Variants in PODXL observed in about 807,000 individuals in gnomAD.
PODXL encodes podocalyxin like.
A neutral mutation model predicts 48.9 loss-of-function variants in PODXL; 20 were observed. The observed-to-expected ratio is 0.41, with a 90% CI of 0.29 to 0.59. The LOEUF (loss-of-function observed/expected upper bound fraction) is 0.59. PODXL is among the 20% of genes least tolerant of loss of function. The probability of loss-of-function intolerance (pLI) is 0.31; values close to 1 mark genes in which losing one functional copy is unlikely to be tolerated. For synonymous variants in PODXL, 295 were observed against 287.4 expected, an observed-to-expected ratio of 1.03 and a Z score of -0.27; for missense variants, 606 against 675.1, an observed-to-expected ratio of 0.90 and a Z score of 1.13.
At chr7:131,541,383 G>C (rs1205735238) in intron 1 of PODXL, among the ~76,000 whole-genome samples, 3 of 151,972 alleles carry the variant, frequency 2.0e-5, no homozygotes, top group African/African-American at 7.2e-5. Flanking sequence ...GGGTGGGAAG[G>C]TGTTGCTTAA....
At chr7:131,505,061 T>C (rs367559306) in intron 8 of PODXL, among the ~76,000 whole-genome samples, 1 of 151,942 alleles carries the variant, frequency 6.6e-6, no homozygotes, top group Non-Finnish European at 1.5e-5. Flanking sequence ...GACTCAGAGA[T>C]TGTTTGAATT....
chr7:131,517,572 C>A (rs1384780255), intron 1 of PODXL, among the ~76,000 whole-genome samples: 5 of 152,114 alleles, frequency 3.3e-5, no homozygotes, highest in African/African-American at 1.2e-4. Context: ...TAAATATATT[C>A]TCTCGTGGTT....
intron 1 of PODXL, among the ~76,000 whole-genome samples, chr7:131,521,734 G>A (rs1798094862): frequency 6.6e-6 from 1 of 152,206 alleles, no homozygotes. Flanking sequence ...CCACAACACA[G>A]GGCAGTTTAC....
At chr7:131,507,751 G>A (rs953807786) in intron 5 of PODXL, among the ~76,000 whole-genome samples, 3 of 152,100 alleles carry the variant, frequency 2.0e-5, no homozygotes, top group African/African-American at 7.2e-5. Context: ...GGGCTGGGCG[G>A]GCACCTGACT....
intron 1 of PODXL, among the ~76,000 whole-genome samples, chr7:131,528,415 A>T (rs1798221292): frequency 1.3e-5 from 2 of 152,228 alleles, no homozygotes; most frequent in South Asian, 4.1e-4. Flanking sequence ...AACCTCTTAG[A>T]AAAGAGGTTC....
chr7:131,519,570 C>A (rs1798061328), intron 1 of PODXL, among the ~76,000 whole-genome samples: 1 of 148,454 alleles, frequency 6.7e-6, no homozygotes, highest in African/African-American at 2.5e-5. Context: ...AATAAAGTGC[C>A]AAAAAGTCTT....
At position 131,524,374 on chromosome 7, in the gene PODXL, A is replaced by ACG. The variant is rs1562909703; in HGVS notation, c.101-12942_101-12941insCG. ...CACACACACACACGCACACACACAC[A>ACG]CACACAGAGAGAGAGAGAGAGAGAG... On this transcript the variant is annotated intron_variant, in intron 1 of 8. Transcript: ENST00000378555. Among the ~76,000 whole-genome samples the ACG allele has an allele frequency of 6.7e-3, 698 of 104,776 alleles. 11 individuals carry two copies. The highest frequency in any genetic ancestry group is 0.026 in the African/African-American group (595 of 22,558). The allele number at this position is 104,776 out of a possible 152,430, so 68.7% of individuals were successfully genotyped here.
At chr7:131,516,687 T>A (rs1341480596) in intron 1 of PODXL, among the ~76,000 whole-genome samples, 3 of 152,036 alleles carry the variant, frequency 2.0e-5, no homozygotes, top group Non-Finnish European at 4.4e-5. Flanking sequence ...AATGAGAATG[T>A]ATTATAAATA....
At chr7:131,533,235 T>C (rs956660524) in intron 1 of PODXL, among the ~76,000 whole-genome samples, 1 of 152,018 alleles carries the variant, frequency 6.6e-6, no homozygotes, top group Admixed American at 6.5e-5. Context: ...CCCTGGCAGG[T>C]CTGTTGGCTC....
At chr7:131,524,409 A>AGAGAGAGAGAGAGAGAGAGAG (rs760491817) in intron 1 of PODXL, among the ~76,000 whole-genome samples, 11 of 72,132 alleles carry the variant, frequency 1.5e-4, no homozygotes, top group Non-Finnish European at 3.9e-4. Flanking sequence ...GAGAGAGAGA[A>AGAGAGAGAGAGAGAGAGAGAG]AACAACAAGG....
intron 1 of PODXL, among the ~76,000 whole-genome samples, chr7:131,547,525 G>A (rs529956388): frequency 7.9e-5 from 12 of 152,320 alleles, no homozygotes; most frequent in South Asian, 2.1e-4. Context: ...GAACAAGTCT[G>A]AGATCACAAG....
intron 1 of PODXL, among the ~76,000 whole-genome samples, chr7:131,551,232 G>A (rs1344012604): frequency 6.6e-6 from 1 of 152,130 alleles, no homozygotes; most frequent in Non-Finnish European, 1.5e-5. Flanking sequence ...GCCCCATAGA[G>A]CAGACAGGAT....
chr7:131,525,658 G>A lies in PODXL; in HGVS notation c.101-14225C>T, dbSNP rs185160544. 3.1e-3 allele frequency among the ~76,000 whole-genome samples: 464 copies of A among 151,462 alleles called. 2 individuals are homozygous for A. Among genetic ancestry groups the A allele is most frequent in the African/African-American group, 0.011 (449 of 41,362 alleles). ...CCTCGCTGAAGAGGGTGGAGAACAA[G>A]AGTTGACTCTGGGAAAGTTTTTTTT... On this transcript the variant is annotated intron_variant, in intron 1 of 8. Coordinates refer to ENST00000378555, the MANE Select transcript of PODXL (RefSeq NM_001018111.3).
chr7:131,520,737 C>T (rs1798078405), intron 1 of PODXL, among the ~76,000 whole-genome samples: 1 of 152,080 alleles, frequency 6.6e-6, no homozygotes, highest in Admixed American at 6.6e-5. Flanking sequence ...ATGAAAAGCG[C>T]AAACCAAAGA....
chr7:131,500,801 T>C lies in PODXL; in HGVS notation c.*3510A>G, dbSNP rs1797687952. ...ACAACTGGGAAAGGAATTCTGTCCT[T>C]TGTGTCATTCTGGCACCTTCGAGTA... On this transcript the variant is annotated 3_prime_UTR_variant, in exon 9 of 9. Transcript: ENST00000378555. 1 of 152,206 alleles carries C rather than the reference T, an allele frequency of 6.6e-6. No individual in the cohort carries two copies. The highest frequency in any genetic ancestry group is 2.4e-5 in the African/African-American group (1 of 41,448). 9.4% of individuals were successfully genotyped at this position (152,206 alleles called of 1,614,324 possible). A position where few individuals can be genotyped will look rare whatever the true frequency, so the allele number is the denominator to read the frequency against.
At chr7:131,538,889 C>T (rs1365349074) in intron 1 of PODXL, among the ~76,000 whole-genome samples, 3 of 152,228 alleles carry the variant, frequency 2.0e-5, no homozygotes, top group Non-Finnish European at 4.4e-5. Flanking sequence ...CTGGAAAGAG[C>T]AGACTAACCT....
At chr7:131,534,069 G>A (rs536402890) in intron 1 of PODXL, among the ~76,000 whole-genome samples, 27 of 141,170 alleles carry the variant, frequency 1.9e-4, no homozygotes, top group African/African-American at 5.3e-4. Flanking sequence ...CCCCTTACCC[G>A]TTAGAGCCGC....
At chr7:131,546,213 G>A (rs769115679) in intron 1 of PODXL, among the ~76,000 whole-genome samples, 3 of 152,198 alleles carry the variant, frequency 2.0e-5, no homozygotes, top group Non-Finnish European at 4.4e-5. Context: ...GAGGGGGTAG[G>A]CTCAGGGTTG....
intron 5 of PODXL, among the ~76,000 whole-genome samples, chr7:131,507,086 G>A (rs1212971826): frequency 6.6e-6 from 1 of 152,182 alleles, no homozygotes; most frequent in Non-Finnish European, 1.5e-5. Context: ...TAGAGAGGGG[G>A]CACTGCACAG....
Sources: allele counts gnomAD v4.1 joint callset (sites outside exome capture counted in the v4.1 genomes callset), GRCh38; gene constraint gnomAD v4.1.1; transcripts MANE v1.5; gene names NCBI Gene and HGNC (gene_info 2026-07-23, HGNC 2026-07-21).